TAFA4: variants seen among roughly 807,000 people sequenced by gnomAD.
TAFA4 encodes the protein chemokine-like protein TAFA-4.
Under a neutral mutation model 21.1 loss-of-function variants are expected in TAFA4, and 20 were observed. That is an observed-to-expected ratio of 0.95 (90% CI 0.67 to 1.38). TAFA4 has a LOEUF of 1.38. TAFA4 is among the 40% of genes most tolerant of loss of function. The pLI is 0.00. For synonymous variants in TAFA4, 71 were observed against 67.4 expected, an observed-to-expected ratio of 1.05 and a Z score of -0.26; for missense variants, 211 against 180.9, an observed-to-expected ratio of 1.17 and a Z score of -0.95.
rs552008229 is a variant in TAFA4 at position 68,813,912 on chromosome 3, C to T, written c.131-60894G>A. 2.0e-5 allele frequency among the ~76,000 whole-genome samples: 3 copies of T among 152,280 alleles called. No individual in the cohort carries two copies. The East Asian group carries it at 5.8e-4, about 29-fold the overall frequency. ...CACTGATGAACATCGAGGCAAAAAT[C>T]CTCAATAAAATACTGGCAAACCGAA... On this transcript the variant is annotated intron_variant, in intron 3 of 5. Transcript: ENST00000295569.
chr3:68,822,143 T>G (rs1372311518), intron 3 of TAFA4, among the ~76,000 whole-genome samples: 1 of 151,992 alleles, frequency 6.6e-6, no homozygotes, highest in African/African-American at 2.4e-5. Context: ...AATATTGACT[T>G]TTTTAAAAAA....
intron 3 of TAFA4, among the ~76,000 whole-genome samples, chr3:68,807,383 A>T (rs923079060): frequency 6.6e-6 from 1 of 152,238 alleles, no homozygotes; most frequent in Non-Finnish European, 1.5e-5. Flanking sequence ...CACGCAGCGG[A>T]AGCAATGATG....
intron 2 of TAFA4, among the ~76,000 whole-genome samples, chr3:68,881,676 A>C (rs2089619890): frequency 6.6e-6 from 1 of 152,208 alleles, no homozygotes. Flanking sequence ...TCTTCCTTAC[A>C]CATGCCTCAT....
Position 68,885,310 on chromosome 3 carries a change from C to A in TAFA4, c.-122G>T, listed in dbSNP as rs2089659817. On this transcript the variant is annotated splice_region_variant and 5_prime_UTR_variant, in exon 2 of 6. Coordinates refer to ENST00000295569, the MANE Select transcript of TAFA4 (RefSeq NM_182522.5). ...CAAAAAATTATCGTAGCTCAGAAGA[C>A]CTATGTTAAAAAGGCCAAAAAAAAA... 3.7e-6 allele frequency: 3 copies of A among 810,212 alleles called. No homozygotes were observed. Among genetic ancestry groups the A allele is most frequent in the South Asian group, 2.2e-5 (1 of 44,808 alleles). 50.2% of individuals were successfully genotyped at this position (810,212 alleles called of 1,614,324 possible).
intron 3 of TAFA4, among the ~76,000 whole-genome samples, chr3:68,776,941 G>C (rs997738772): frequency 7.9e-5 from 12 of 152,030 alleles, no homozygotes; most frequent in Non-Finnish European, 1.8e-4. Flanking sequence ...ATATATTTTG[G>C]TGTGTATGAT....
intron 3 of TAFA4, among the ~76,000 whole-genome samples, chr3:68,828,413 G>T (rs964365279): frequency 7.2e-5 from 11 of 152,176 alleles, no homozygotes; most frequent in African/African-American, 2.7e-4. Flanking sequence ...ATTCTGTGAA[G>T]TAAGTCAGTG....
At position 68,828,785 on chromosome 3, in the gene TAFA4, G is replaced by A. The variant is rs192535798; in HGVS notation, c.130+51945C>T. On this transcript the variant is annotated intron_variant, in intron 3 of 5. Transcript: ENST00000295569. ...GCTTAAGGAGATTTTGGGCTGAGAC[G>A]ATGGGGTTTTCTAAATATACAATCG... is the stretch of plus-strand genomic sequence containing the variant. Among the ~76,000 whole-genome samples, 290 of 152,228 alleles carry A rather than the reference G, an allele frequency of 1.9e-3. 2 individuals are homozygous for A. The highest frequency in any genetic ancestry group is 6.5e-3 in the African/African-American group (269 of 41,550).
chr3:68,788,972 G>T (rs956582601), intron 3 of TAFA4, among the ~76,000 whole-genome samples: 3 of 152,032 alleles, frequency 2.0e-5, no homozygotes, highest in Non-Finnish European at 1.5e-5. Context: ...GGTGGCTCAC[G>T]CCTGTAATCC....
intron 3 of TAFA4, among the ~76,000 whole-genome samples, chr3:68,815,307 A>C (rs568376210): frequency 1.3e-5 from 2 of 152,238 alleles, no homozygotes; most frequent in Admixed American, 6.5e-5. Context: ...GCCAAAATTG[A>C]CAAATGGGAT....
chr3:68,788,951 G>C (rs1703312385), intron 3 of TAFA4, among the ~76,000 whole-genome samples: 3 of 151,998 alleles, frequency 2.0e-5, no homozygotes. Flanking sequence ...TAATCCATTT[G>C]GGCCTGGTGT....
chr3:68,767,174 C>G (rs191900827), intron 3 of TAFA4, among the ~76,000 whole-genome samples: 114 of 152,140 alleles, frequency 7.5e-4, no homozygotes, highest in African/African-American at 2.6e-3. Context: ...GTACTGTACT[C>G]AAAACTTTTA....
chr3:68,886,919 C>CATA (rs1411189530), intron 1 of TAFA4, among the ~76,000 whole-genome samples: 1 of 152,174 alleles, frequency 6.6e-6, no homozygotes, highest in African/African-American at 2.4e-5. Context: ...ACATTCAAGC[C>CATA]ATAACATTCC....
chr3:68,867,108 A>T (rs146712939), intron 3 of TAFA4, among the ~76,000 whole-genome samples: 3 of 152,126 alleles, frequency 2.0e-5, no homozygotes, highest in Middle Eastern at 3.4e-3. Context: ...ACCAACCCGA[A>T]TAAGACTACC....
chr3:68,900,081 CAA>C (rs3048091), intron 1 of TAFA4, among the ~76,000 whole-genome samples: 77,690 of 137,758 alleles, frequency 0.56, 21,526 homozygotes, highest in East Asian at 0.73. Context: ...TCTACACACA[CAA>C]AAAAAAAAAA....
At chr3:68,739,313 CGGTTG>C in intron 4 of TAFA4, 114 bp from the exon 5 acceptor site, 5 of 1,313,776 alleles carry the variant, frequency 3.8e-6, no homozygotes, top group Non-Finnish European at 5.3e-6. Context: ...ATTAAATTTA[CGGTTG>C]GTAAATTGAA....
chr3:68,822,702 AC>A (rs1248960539), intron 3 of TAFA4, among the ~76,000 whole-genome samples: 2 of 151,782 alleles, frequency 1.3e-5, no homozygotes, highest in African/African-American at 4.8e-5. Context: ...CAGCTCCTGA[AC>A]TCAAGCCATC....
intron 3 of TAFA4, among the ~76,000 whole-genome samples, chr3:68,810,270 G>T (rs1425161937): frequency 6.6e-6 from 1 of 152,112 alleles, no homozygotes; most frequent in Admixed American, 6.6e-5. Flanking sequence ...GGTGATTTCT[G>T]CATTTCCAAC....
intron 3 of TAFA4, among the ~76,000 whole-genome samples, chr3:68,770,392 C>G (rs1702930956): frequency 1.3e-5 from 2 of 152,056 alleles, no homozygotes; most frequent in South Asian, 4.1e-4. Context: ...GCAGGAAATA[C>G]CATTGCTGAT....
chr3:68,750,108 T>G (rs189120240), intron 4 of TAFA4, among the ~76,000 whole-genome samples: 157 of 152,304 alleles, frequency 1.0e-3, no homozygotes, highest in African/African-American at 3.7e-3. Context: ...CTGTTTGTTT[T>G]GCCATAAACA....
Sources: allele counts gnomAD v4.1 joint callset (sites outside exome capture counted in the v4.1 genomes callset), GRCh38; gene constraint gnomAD v4.1.1; transcripts MANE v1.5; gene names NCBI Gene and HGNC (gene_info 2026-07-23, HGNC 2026-07-21).